The following LAMB4 variants were observed in gnomAD, a reference collection of about 807,000 sequenced individuals.
LAMB4 encodes laminin subunit beta-4.
A neutral mutation model predicts 199.2 loss-of-function variants in LAMB4; 196 were observed. The observed-to-expected ratio is 0.98, with a 90% CI of 0.88 to 1.11. The LOEUF is 1.11. LAMB4 is among the 50% of genes least tolerant of loss of function. LAMB4 has a pLI of 0.00. For missense variants in LAMB4, 2,080 were observed against 2,171.2 expected, an observed-to-expected ratio of 0.96 and a Z score of 0.83; for synonymous variants, 744 against 770.6, an observed-to-expected ratio of 0.97 and a Z score of 0.57.
Position 108,109,192 on chromosome 7 carries a change from G to A in LAMB4, c.381C>T (p.Ser127=). 1 of 1,613,012 alleles carries A rather than the reference G, an allele frequency of 6.2e-7. No homozygotes were observed. The highest frequency in any genetic ancestry group is 2.2e-5 in the East Asian group (1 of 44,868). Residue 127 remains serine (S), a synonymous_variant, in exon 5 of 34, where the codon AGC becomes AGT. Transcript: ENST00000388781. ...RLDLEALFRF[S]HLILTFKTFR... Reference sequence around the variant, plus strand: ...GTACCTTAAAGGTCAGGATAAGGTGGCTGAACCGAAATAATGCCTCTAAGT... The same window carrying A: ...GTACCTTAAAGGTCAGGATAAGGTGACTGAACCGAAATAATGCCTCTAAGT...
intron 24 of LAMB4, among the ~76,000 whole-genome samples, chr7:108,056,889 G>A (rs1367718232): frequency 1.3e-5 from 2 of 150,940 alleles, no homozygotes; most frequent in Non-Finnish European, 1.5e-5. Context: ...AGGATCACCT[G>A]AGCCCAGGGA....
intron 25 of LAMB4, 24 bp downstream of exon 25, chr7:108,055,608 C>T (rs764548184): frequency 6.3e-7 from 1 of 1,593,732 alleles, no homozygotes; most frequent in South Asian, 1.2e-5. Context: ...GTTTGGCTGT[C>T]TGTTACTTGA....
At chr7:108,076,805 T>C (rs890856588) in intron 17 of LAMB4, 139 bp downstream of exon 17, 45 of 846,388 alleles carry the variant, frequency 5.3e-5, no homozygotes, top group Non-Finnish European at 1.1e-5. Context: ...AAATAAGATT[T>C]GCAGATGCTA....
intron 17 of LAMB4, among the ~76,000 whole-genome samples, chr7:108,072,617 G>T (rs1206257943): frequency 6.6e-6 from 1 of 152,146 alleles, no homozygotes; most frequent in Admixed American, 6.5e-5. Context: ...CCCTGTCACG[G>T]TTCCCAGGAC....
At chr7:108,017,082 G>A in the LAMB4 span, among the ~76,000 whole-genome samples, 1 of 107,658 alleles carries the variant, frequency 9.3e-6, no homozygotes, top group Admixed American at 1.0e-4. Context: ...AGAAAACACT[G>A]TATCTCTGCT....
chr7:108,071,816 C>A (rs745992493), intron 17 of LAMB4, among the ~76,000 whole-genome samples: 1 of 152,210 alleles, frequency 6.6e-6, no homozygotes, highest in Non-Finnish European at 1.5e-5. Context: ...ACTCTTGCCA[C>A]ACCCAATTCA....
chr7:108,016,926 G>T, the LAMB4 span, among the ~76,000 whole-genome samples: 3 of 152,198 alleles, frequency 2.0e-5, no homozygotes, highest in African/African-American at 7.2e-5. Flanking sequence ...GCCACCTAGT[G>T]AATGTGAGAT....
chr7:108,064,078 C>A, intron 21 of LAMB4, 93 bp from the exon 22 acceptor site: 1 of 872,264 alleles, frequency 1.1e-6, no homozygotes, highest in Non-Finnish European at 1.9e-6. Flanking sequence ...TTATTGGGCT[C>A]CTCTAGGAAT....
chr7:108,031,304 C>T (rs1417422061), intron 31 of LAMB4, among the ~76,000 whole-genome samples: 1 of 41,666 alleles, frequency 2.4e-5, no homozygotes, highest in East Asian at 7.7e-4. Flanking sequence ...GCCTGGGTGA[C>T]AAAGAGATAA....
intron 31 of LAMB4, among the ~76,000 whole-genome samples, 179 bp from the exon 32 acceptor site, chr7:108,031,158 G>T (rs2035016088): frequency 6.6e-6 from 1 of 151,024 alleles, no homozygotes; most frequent in African/African-American, 2.4e-5. Flanking sequence ...CATACAAAAG[G>T]GTCTGAAAAA....
At chr7:108,081,236 G>A (rs1320344567) in intron 14 of LAMB4, among the ~76,000 whole-genome samples, 1 of 152,222 alleles carries the variant, frequency 6.6e-6, no homozygotes, top group Non-Finnish European at 1.5e-5. Context: ...GCTGCTGACA[G>A]CTCACAGTTG....
chr7:108,037,720 G>A (rs1378309382), intron 29 of LAMB4, 125 bp from the exon 30 acceptor site: 1 of 687,126 alleles, frequency 1.5e-6, no homozygotes. Flanking sequence ...CTAGAATACA[G>A]GGATTAGATT....
chr7:108,096,710 T>C (rs1584744037), intron 11 of LAMB4, among the ~76,000 whole-genome samples: 1 of 150,534 alleles, frequency 6.6e-6, no homozygotes, highest in Non-Finnish European at 1.5e-5. Context: ...GGCGGAAGGG[T>C]TGCTTGGGAT....
rs199901974 is a variant in LAMB4, at chr7:108,123,175, G to A, written c.-11C>T. 960 of 1,607,264 alleles carry A rather than the reference G, an allele frequency of 6.0e-4. No individual in the cohort carries two copies. The highest frequency in any genetic ancestry group is 8.2e-4 in the Admixed American group (48 of 58,368). On this transcript the variant is annotated 5_prime_UTR_variant, in exon 2 of 34. Coordinates refer to ENST00000388781, the MANE Select transcript of LAMB4 (RefSeq NM_007356.3). Reference sequence around the variant, plus strand: ...CAGTTGAAATTGCATTCTTTTGTCAGGAGATGATTAAATTCAATTCTACTG... The same window carrying A: ...CAGTTGAAATTGCATTCTTTTGTCAAGAGATGATTAAATTCAATTCTACTG...
chr7:108,035,983 C>G (rs557246807), intron 30 of LAMB4, among the ~76,000 whole-genome samples: 2 of 151,664 alleles, frequency 1.3e-5, no homozygotes, highest in Non-Finnish European at 2.9e-5. Flanking sequence ...CTCAGCCTCC[C>G]GAGTAGCTGG....
chr7:108,082,592 G>A (rs1394151222), intron 14 of LAMB4, among the ~76,000 whole-genome samples: 1 of 152,130 alleles, frequency 6.6e-6, no homozygotes, highest in African/African-American at 2.4e-5. Flanking sequence ...TCATAGTGAT[G>A]TCACTGGATT....
intron 25 of LAMB4, 113 bp downstream of exon 25, chr7:108,055,519 C>A: frequency 9.0e-7 from 1 of 1,115,228 alleles, no homozygotes. Flanking sequence ...ACTATCAGTC[C>A]CCTAAAGTCA....
chr7:108,115,878 C>T lies in LAMB4; in HGVS notation c.192+126G>A. 3.9e-6 allele frequency: 4 copies of T among 1,013,844 alleles called. No individual in the cohort carries two copies. In the South Asian group the frequency reaches 4.9e-5, roughly 12 times the overall value. 62.8% of individuals were successfully genotyped at this position (1,013,844 alleles called of 1,614,324 possible). Reference sequence around the variant, plus strand: ...CCGTGGATACTGAGGGACAACTGCACCAGTGTCTCCATTGTTTAAAAAGGA... The same window carrying T: ...CCGTGGATACTGAGGGACAACTGCATCAGTGTCTCCATTGTTTAAAAAGGA... On this transcript the variant is annotated intron_variant, in intron 3 of 33. Coordinates refer to ENST00000388781, the MANE Select transcript of LAMB4 (RefSeq NM_007356.3).
chr7:108,123,250 C>A (rs1023786789), intron 1 of LAMB4, 53 bp from the exon 2 acceptor site: 8 of 1,118,184 alleles, frequency 7.2e-6, no homozygotes. Flanking sequence ...TAATTGCCAT[C>A]ATCACATGTT....
Sources: allele counts gnomAD v4.1 joint callset (sites outside exome capture counted in the v4.1 genomes callset), GRCh38; gene constraint gnomAD v4.1.1; transcripts MANE v1.5; gene names NCBI Gene and HGNC (gene_info 2026-07-23, HGNC 2026-07-21).